PHF14: variants seen among roughly 807,000 people sequenced by gnomAD.
PHF14 encodes PHD finger protein 14.
PHF14 carries 55 observed loss-of-function variants against 117.9 expected under a neutral mutation model. The ratio of observed to expected loss-of-function variants is 0.47; its 90% confidence interval spans 0.38 to 0.58. The LOEUF is 0.58. Ranked by LOEUF, PHF14 falls within the 20% of genes least tolerant of loss-of-function variation. The pLI, the probability that PHF14 is intolerant of heterozygous loss-of-function variation, is 0.00. For missense variants in PHF14, 978 were observed against 1,122.2 expected, an observed-to-expected ratio of 0.87 and a Z score of 1.84; for synonymous variants, 409 against 368.6, an observed-to-expected ratio of 1.11 and a Z score of -1.26.
chr7:11,013,621 T>G, intron 4 of PHF14, 126 bp from the exon 5 acceptor site: 1 of 519,704 alleles, frequency 1.9e-6, no homozygotes, highest in Non-Finnish European at 3.4e-6. Flanking sequence ...TTTTAATACG[T>G]TTCTTATAAA....
intron 5 of PHF14, among the ~76,000 whole-genome samples, chr7:11,015,589 A>G (rs1228051367): frequency 6.6e-6 from 1 of 151,876 alleles, no homozygotes; most frequent in Non-Finnish European, 1.5e-5. Flanking sequence ...TTTAATAGCT[A>G]TAATTTTAGG....
chr7:11,106,615 T>C (rs1787275272), intron 16 of PHF14: 20 of 982,100 alleles, frequency 2.0e-5, no homozygotes, highest in Non-Finnish European at 2.4e-5. Context: ...TTAAGATGTT[T>C]AATCAAAATA....
chr7:11,034,155 A>T, intron 7 of PHF14, among the ~76,000 whole-genome samples: 2 of 150,930 alleles, frequency 1.3e-5, no homozygotes, highest in East Asian at 2.0e-4. Context: ...GACACATTAG[A>T]TTTTTTTTTC....
intron 16 of PHF14, chr7:11,111,120 T>TCG: frequency 2.5e-6 from 1 of 400,658 alleles, no homozygotes; most frequent in East Asian, 4.2e-5. Flanking sequence ...TCTAAATATT[T>TCG]GTTTTGTTTG....
chr7:11,067,302 A>G (rs1396591345), intron 16 of PHF14, among the ~76,000 whole-genome samples: 3 of 152,206 alleles, frequency 2.0e-5, no homozygotes, highest in Non-Finnish European at 2.9e-5. Context: ...AAATAAATAA[A>G]TAAACAGAAA....
At chr7:10,974,529 G>C (rs1172799060) in intron 1 of PHF14, among the ~76,000 whole-genome samples, 1 of 152,140 alleles carries the variant, frequency 6.6e-6, no homozygotes, top group African/African-American at 2.4e-5. Context: ...ATGTCTAAGT[G>C]GGGGATTACG....
rs115320271 is a variant in PHF14, at chr7:11,022,860, C to T, written c.1206-8C>T. ...ATTTGATAGCAAAATCATATCTTCT[C>T]TTCTTAGATGGGTTCATATTGTTTG... On this transcript the variant is annotated splice_region_variant and splice_polypyrimidine_tract_variant and intron_variant, in intron 5 of 17. Coordinates refer to ENST00000634607, the MANE Select transcript of PHF14 (RefSeq NM_001007157.2). 3 of 1,492,988 alleles carry T rather than the reference C, an allele frequency of 2.0e-6. No individual in the cohort carries two copies. Among genetic ancestry groups the T allele is most frequent in the Non-Finnish European group, 2.7e-6 (3 of 1,092,120 alleles). 92.5% of individuals were successfully genotyped at this position (1,492,988 alleles called of 1,614,324 possible). A position where few individuals can be genotyped will look rare whatever the true frequency, so the allele number is the denominator to read the frequency against.
intron 3 of PHF14, among the ~76,000 whole-genome samples, chr7:10,985,124 A>G (rs899527619): frequency 1.3e-5 from 2 of 152,242 alleles, no homozygotes; most frequent in African/African-American, 2.4e-5. Context: ...AAACTAATCA[A>G]TTGTGATTAT....
intron 3 of PHF14, among the ~76,000 whole-genome samples, chr7:10,986,259 CAGGTGTG>C (rs1288015775): frequency 1.3e-5 from 2 of 151,356 alleles, no homozygotes; most frequent in Non-Finnish European, 2.9e-5. Context: ...GTTGGGATTA[CAGGTGTG>C]AGCCACCACA....
intron 17 of PHF14, among the ~76,000 whole-genome samples, chr7:11,113,139 A>C (rs1307022492): frequency 6.6e-6 from 1 of 152,034 alleles, no homozygotes; most frequent in Non-Finnish European, 1.5e-5. Flanking sequence ...AGGATTTCCC[A>C]CCTTTTTTAA....
intron 16 of PHF14, chr7:11,103,540 C>T (rs1044944748): frequency 3.0e-6 from 3 of 984,874 alleles, no homozygotes; most frequent in African/African-American, 3.5e-5. Context: ...TTTCATCACT[C>T]AATCTTGAAC....
At chr7:11,156,279 T>G (rs913639464) in intron 17 of PHF14, among the ~76,000 whole-genome samples, 19 of 152,220 alleles carry the variant, frequency 1.2e-4, no homozygotes, top group Non-Finnish European at 2.2e-4. Context: ...GTGTGAAATT[T>G]TCTAAAATAG....
chr7:10,986,329 G>A (rs148268108), intron 3 of PHF14, among the ~76,000 whole-genome samples: 58 of 152,162 alleles, frequency 3.8e-4, no homozygotes, highest in African/African-American at 1.4e-3. Context: ...TAATATTTGT[G>A]TAGATTATAT....
At chr7:11,136,534 C>T (rs1451005872) in intron 17 of PHF14, among the ~76,000 whole-genome samples, 1 of 152,008 alleles carries the variant, frequency 6.6e-6, no homozygotes. Context: ...ATGTTTAAGT[C>T]TTTTGCATAG....
chr7:11,005,822 C>G (rs1783064532), intron 4 of PHF14, among the ~76,000 whole-genome samples: 1 of 106,442 alleles, frequency 9.4e-6, no homozygotes, highest in Non-Finnish European at 1.7e-5. Context: ...GAGACGGAGT[C>G]TCGTTCTTTC....
At chr7:10,996,003 A>G (rs528936843) in intron 4 of PHF14, among the ~76,000 whole-genome samples, 1 of 152,234 alleles carries the variant, frequency 6.6e-6, no homozygotes, top group African/African-American at 2.4e-5. Flanking sequence ...AAGGCTCCTC[A>G]AGTGCGGCCA....
Position 11,022,912 on chromosome 7 carries a change from T to G in PHF14, c.1250T>G (p.Phe417Cys). 6.2e-7 allele frequency: 1 copy of G among 1,611,182 alleles called. No individual in the cohort carries two copies. Among genetic ancestry groups the G allele is most frequent in the Non-Finnish European group, 8.5e-7 (1 of 1,178,044 alleles). Residue 417 changes from phenylalanine (F) to cysteine (C), a missense_variant, in exon 6 of 18, where the codon TTT becomes TGT. Phe to Cys is a radical substitution (Grantham distance 205). Around this residue, in one of 7 missense-constraint regions of PHF14, gnomAD observed 86 missense variants for 137.8 expected, o/e 0.62. Coordinates refer to ENST00000634607, the MANE Select transcript of PHF14 (RefSeq NM_001007157.2). ...GCCCTGTATGTTCCTGGAGTAGCCT[T>G]TGGAGATATTGACAAATTACGACCA... ...VCALYVPGVAFGDIDKLRPVT... is the reference protein window; with the variant it reads ...VCALYVPGVACGDIDKLRPVT...
chr7:11,157,155 A>T (rs1444951356), intron 17 of PHF14, among the ~76,000 whole-genome samples: 3 of 152,202 alleles, frequency 2.0e-5, no homozygotes, highest in Non-Finnish European at 4.4e-5. Context: ...AGGCAATAAA[A>T]CATCTCATTC....
intron 16 of PHF14, among the ~76,000 whole-genome samples, chr7:11,078,689 C>T (rs1168246952): frequency 1.3e-5 from 2 of 152,044 alleles, no homozygotes; most frequent in South Asian, 2.1e-4. Context: ...ATTATTGACC[C>T]ATCGTATTTT....
Sources: allele counts gnomAD v4.1 joint callset (sites outside exome capture counted in the v4.1 genomes callset), GRCh38; gene constraint gnomAD v4.1.1; regional missense constraint gnomAD v4.1.1; transcripts MANE v1.5; gene names NCBI Gene and HGNC (gene_info 2026-07-23, HGNC 2026-07-21).